The following MINDY1 variants were observed in gnomAD, a reference collection of about 807,000 sequenced individuals.
MINDY1 encodes ubiquitin carboxyl-terminal hydrolase MINDY-1.
MINDY1 carries 50 observed loss-of-function variants against 53.6 expected under a neutral mutation model. The observed-to-expected ratio is 0.93, with a 90% CI of 0.74 to 1.18. The LOEUF (loss-of-function observed/expected upper bound fraction) is 1.18, where lower values mean the gene tolerates loss of function less well. Ranked by LOEUF, MINDY1 falls within the 50% of genes most tolerant of loss-of-function variation. The probability of loss-of-function intolerance (pLI) is 0.00; values close to 1 mark genes in which losing one functional copy is unlikely to be tolerated. For synonymous variants in MINDY1, 231 were observed against 234.7 expected, an observed-to-expected ratio of 0.98 and a Z score of 0.14; for missense variants, 484 against 578.6, an observed-to-expected ratio of 0.84 and a Z score of 1.68.
At position 151,006,415 on chromosome 1, in the gene MINDY1, C is replaced by A; in HGVS notation, c.-193G>T. 7.6e-7 allele frequency: 1 copy of A among 1,323,704 alleles called. No individual in the cohort carries two copies. Among genetic ancestry groups the A allele is most frequent in the South Asian group, 1.7e-5 (1 of 59,058 alleles). 82.0% of individuals were successfully genotyped at this position (1,323,704 alleles called of 1,614,324 possible). A position where few individuals can be genotyped will look rare whatever the true frequency, so the allele number is the denominator to read the frequency against. On this transcript the variant is annotated 5_prime_UTR_variant, in exon 1 of 10. In the 5' UTR this introduces an upstream ATG that the reference lacks. Transcript: ENST00000683666. ...GAAGGGGGCTGCCAGTGCCAGCTGC[C>A]TTCCAGCTGTCAACGCCTGAGCTTA...
chr1:150,997,357 G>A lies in MINDY1; in HGVS notation c.1340C>T (p.Ala447Val), dbSNP rs1452793878. ...TRVLSLQGRG[A>V]TSGRPAGERR... is the part of the protein sequence containing the mutation. ...CTCCCCGGCTGGGCGTCCAGATGTG[G>A]CTCCTCTCCCCTGTATCGGATTTAA... is the stretch of plus-strand genomic sequence containing the variant. Residue 447 changes from alanine to valine, a missense_variant, in exon 10 of 10, where the codon GCC (alanine) becomes GTC (valine). Ala to Val is a moderately conservative substitution (Grantham distance 64). Coordinates refer to ENST00000683666, the MANE Select transcript of MINDY1 (RefSeq NM_001376665.1). The A allele has an allele frequency of 2.5e-6, 4 of 1,600,990 alleles. No homozygotes were observed. The highest frequency in any genetic ancestry group is 2.6e-6 in the Non-Finnish European group (3 of 1,172,594).
chr1:151,007,862 A>G (rs1018402857), upstream of MINDY1, among the ~76,000 whole-genome samples: 1 of 152,164 alleles, frequency 6.6e-6, no homozygotes, highest in African/African-American at 2.4e-5. Flanking sequence ...TGAAAGAGCA[A>G]TTGGAACAAT....
chr1:151,004,375 C>T (rs2102862380), intron 1 of MINDY1, among the ~76,000 whole-genome samples: 1 of 152,292 alleles, frequency 6.6e-6, no homozygotes, highest in East Asian at 1.9e-4. Flanking sequence ...TGGAAAACAT[C>T]TCCCTTCAAT....
In MINDY1 at chr1:150,997,653, G is replaced by C; in HGVS notation, c.1300C>G (p.Arg434Gly). ...AGTGACAGGACCCGCGTCCGCATCC[G>C]CACTGGCTGCGCTGCCTGCTGCTGT... ...YQQQQAAQPV[R>G]MRTRVLSLQG... is the part of the protein sequence containing the mutation. Residue 434 changes from arginine (R) to glycine (G), a missense_variant, in exon 9 of 10, where the codon CGG becomes GGG. By Grantham distance (125) the Arg-to-Gly change is moderately radical. Coordinates refer to ENST00000683666, the MANE Select transcript of MINDY1 (RefSeq NM_001376665.1). The C allele has an allele frequency of 6.2e-7, 1 of 1,611,486 alleles. No homozygotes were observed.
rs773955226 is a variant in MINDY1 at position 150,999,602 on chromosome 1, C to T, written c.839-91G>A. ...TCCAGAGAGCCCCTGTCAAAAGCCC[C>T]GGGGGGTCAGTCCCACCTTCTGACG... On this transcript the variant is annotated intron_variant, in intron 6 of 9. Coordinates refer to ENST00000683666, the MANE Select transcript of MINDY1 (RefSeq NM_001376665.1). The surrounding 1 kb of genome is among the most constrained non-coding windows in gnomAD (Gnocchi z 4.4). The T allele has an allele frequency of 5.0e-4, 772 of 1,541,352 alleles. No homozygotes were observed. Among genetic ancestry groups the T allele is most frequent in the Middle Eastern group, 7.2e-4 (3 of 4,188 alleles).
At position 150,999,508 on chromosome 1, in the gene MINDY1, A is replaced by C. The variant is rs200349479; in HGVS notation, c.842T>G (p.Leu281Arg). The change falls in exon 7 of 10, where the codon CTG becomes CGG. Residue 281 changes from leucine (L) to arginine (R), a missense_variant. Physicochemically the swap from Leu to Arg is moderately radical, Grantham distance 102. Coordinates refer to ENST00000683666, the MANE Select transcript of MINDY1 (RefSeq NM_001376665.1). The surrounding 1 kb of genome is among the most constrained non-coding windows in gnomAD (Gnocchi z 4.4). ...SSDTNLVTEGLIAEQFLETTA... is the reference protein window; with the variant it reads ...SSDTNLVTEGRIAEQFLETTA... ...GGTCTCCAGGAACTGCTCTGCAATC[A>C]GGCCTGCCAGAAAGGGACGAGTCGG... 2 of 1,613,970 alleles carry C rather than the reference A, an allele frequency of 1.2e-6. No homozygotes were observed. The highest frequency in any genetic ancestry group is 1.7e-6 in the Non-Finnish European group (2 of 1,180,028).
chr1:150,996,548 G>GTT (rs879468386), downstream of MINDY1: 6 of 140,446 alleles, frequency 4.3e-5, no homozygotes, highest in African/African-American at 7.8e-5. Context: ...AGGAAAGAAG[G>GTT]TTTTTTTTTT....
At position 151,002,182 on chromosome 1, in the gene MINDY1, GGAT is replaced by G; in HGVS notation, c.433_435del (p.Ile145del). ...TCTCTTACCTTCCACTGAAGAAAGAGGATGTTCATGATGGCAAGGAGAGGGCAA... is the reference window on the plus strand; with the variant it reads ...TCTCTTACCTTCCACTGAAGAAAGAGGTTCATGATGGCAAGGAGAGGGCAA... On this transcript the variant is annotated inframe_deletion, in exon 2 of 10. Transcript: ENST00000683666. This position sits in a 1 kb window ranked among gnomAD's most constrained non-coding sequence, Gnocchi z 4.1. The G allele has an allele frequency of 6.2e-7, 1 of 1,609,552 alleles. No homozygotes were observed. The highest frequency in any genetic ancestry group is 2.2e-5 in the East Asian group (1 of 44,838).
rs751605223 is a variant in MINDY1, at chr1:151,000,467, A to G, written c.725T>C (p.Val242Ala). 3 of 1,603,918 alleles carry G rather than the reference A, an allele frequency of 1.9e-6. No individual in the cohort carries two copies. Among genetic ancestry groups the G allele is most frequent in the South Asian group, 1.1e-5 (1 of 89,540 alleles). ...CCCTCCCACCCTCACCTGTGGATCA[A>G]CAAGCCAGCCATGGTACAGAGGTAT... is the stretch of plus-strand genomic sequence containing the variant. ...LGIPLYHGWL[V>A]DPQSPEAVRA... Residue 242 changes from valine to alanine, a missense_variant, in exon 5 of 10, where the codon GTT becomes GCT. Val to Ala is a moderately conservative substitution (Grantham distance 64, BLOSUM62 0). Transcript: ENST00000683666.
Position 150,997,212 on chromosome 1 carries a change from G to A in MINDY1, c.*75C>T. 7.0e-7 allele frequency: 1 copy of A among 1,426,992 alleles called. No individual in the cohort carries two copies. The allele number at this position is 1,426,992 out of a possible 1,614,324, so 88.4% of individuals were successfully genotyped here. ...ATAAGTTATCCAGCACATCTCAGGGGTGGAGGCGGGGGAGCAAGCCAACTA... is the reference window on the plus strand; with the variant it reads ...ATAAGTTATCCAGCACATCTCAGGGATGGAGGCGGGGGAGCAAGCCAACTA... On this transcript the variant is annotated 3_prime_UTR_variant, in exon 10 of 10. Coordinates refer to ENST00000683666, the MANE Select transcript of MINDY1 (RefSeq NM_001376665.1).
At chr1:151,000,161 G>A (rs1672382785) in intron 5 of MINDY1, among the ~76,000 whole-genome samples, 197 bp from the exon 6 acceptor site, 1 of 151,916 alleles carries the variant, frequency 6.6e-6, no homozygotes. Context: ...GCCCAGACTG[G>A]CCTCGAACTC....
At chr1:151,005,063 CTCTT>C (rs1019003996) in intron 1 of MINDY1, among the ~76,000 whole-genome samples, 5 of 152,006 alleles carry the variant, frequency 3.3e-5, no homozygotes, top group Non-Finnish European at 7.4e-5. Context: ...TTTTTTCTCT[CTCTT>C]TCTCTCTCTC....
Position 151,001,263 on chromosome 1 carries a change from A to G in MINDY1, c.563T>C (p.Leu188Pro), listed in dbSNP as rs1398225647. Residue 188 changes from leucine to proline, a missense_variant, in exon 4 of 10, where the codon CTT (leucine) becomes CCT (proline). Leu to Pro is a moderately conservative substitution (Grantham distance 98). Transcript: ENST00000683666. The stretch of plus-strand genomic sequence containing the variant: ...CTTTTGCCTCACCTGCTGAAAATTA[A>G]GCTGAAGTCCCTCTGACTTCTCCTG... ...KPQEKSEGLQ[L>P]NFQQNVDDAM... The G allele has an allele frequency of 7.4e-6, 12 of 1,614,204 alleles. No individual in the cohort carries two copies. Among genetic ancestry groups the G allele is most frequent in the Non-Finnish European group, 1.0e-5 (12 of 1,180,030 alleles).
chr1:151,006,160 T>C, intron 1 of MINDY1, 152 bp downstream of exon 1: 4 of 1,551,608 alleles, frequency 2.6e-6, no homozygotes, highest in Non-Finnish European at 3.5e-6. Flanking sequence ...CAGCATCCCC[T>C]TTACATGTCT....
chr1:151,006,981 G>A (rs887697135), upstream of MINDY1: 3 of 797,182 alleles, frequency 3.8e-6, no homozygotes, highest in Non-Finnish European at 4.6e-6. Flanking sequence ...TTGGATCTGG[G>A]CTCTCTCTCT....
rs1228443785 is a variant in MINDY1 at position 150,998,262 on chromosome 1, G to A, written c.993C>T (p.Tyr331=). ...STMTKHKSHL[Y]LLVTDQGFLQ... Reference sequence around the variant, plus strand: ...GAAAGCCCTGGTCAGTGACCAGTAGGTATAAGTGACTCTACAAAGAAAAGA... The same window carrying A: ...GAAAGCCCTGGTCAGTGACCAGTAGATATAAGTGACTCTACAAAGAAAAGA... Residue 331 remains tyrosine (Y), a synonymous_variant, in exon 8 of 10, where the codon TAC becomes TAT. Coordinates refer to ENST00000683666, the MANE Select transcript of MINDY1 (RefSeq NM_001376665.1). 10 of 1,612,258 alleles carry A rather than the reference G, an allele frequency of 6.2e-6. No homozygotes were observed. The highest frequency in any genetic ancestry group is 4.4e-5 in the South Asian group (4 of 90,898).
In MINDY1 at chr1:150,999,441, T is replaced by C. The variant is rs371523428; in HGVS notation, c.909A>G (p.Thr303=). ...QLTYHGLCEL[T]AAAKEGELSV... The stretch of plus-strand genomic sequence containing the variant: ...TAAGTTCACCCTCCTTAGCAGCTGC[T>C]GTCAGCTCACACAGTCCGTGGTAGG... Residue 303 remains threonine, a synonymous_variant, in exon 7 of 10, where the codon ACA becomes ACG. Coordinates refer to ENST00000683666, the MANE Select transcript of MINDY1 (RefSeq NM_001376665.1). This position sits in a 1 kb window ranked among gnomAD's most constrained non-coding sequence, Gnocchi z 4.4. The C allele has an allele frequency of 5.6e-5, 91 of 1,614,144 alleles. No homozygotes were observed. The highest frequency in any genetic ancestry group is 3.8e-4 in the Admixed American group (23 of 60,018).
At chr1:151,008,003 T>C (rs777724098), upstream of MINDY1, among the ~76,000 whole-genome samples, 9 of 152,178 alleles carry the variant, frequency 5.9e-5, no homozygotes, top group Non-Finnish European at 1.2e-4. Flanking sequence ...CAGGAGACTG[T>C]AGGTGTTAAC....
At chr1:151,001,349 C>A in intron 3 of MINDY1, 35 bp from the exon 4 acceptor site, 1 of 1,607,984 alleles carries the variant, frequency 6.2e-7, no homozygotes. Flanking sequence ...CTTACCCCAC[C>A]AATCATCCCA....
Sources: allele counts gnomAD v4.1 joint callset (sites outside exome capture counted in the v4.1 genomes callset), GRCh38; gene constraint gnomAD v4.1.1; non-coding constraint Gnocchi (gnomAD v3.1); transcripts MANE v1.5; gene names NCBI Gene and HGNC (gene_info 2026-07-23, HGNC 2026-07-21).